ZMAT3: variants seen among roughly 807,000 people sequenced by gnomAD.
ZMAT3 encodes the protein zinc finger matrin-type 3.
In ZMAT3, 17 loss-of-function variants were observed where a neutral mutation model predicts 32.3. The ratio of observed to expected loss-of-function variants is 0.53; its 90% CI spans 0.36 to 0.79. The LOEUF (loss-of-function observed/expected upper bound fraction) is 0.79, where lower values mean the gene tolerates loss of function less well. ZMAT3 is among the 30% of genes least tolerant of loss of function. The pLI is 0.00. For synonymous variants in ZMAT3, 120 were observed against 133.1 expected (o/e 0.90, Z 0.68); for missense variants, 329 against 359.7 (o/e 0.91, Z 0.69).
chr3:179,030,909 C>T lies in ZMAT3; in HGVS notation c.361G>A (p.Ala121Thr), dbSNP rs1467252813. 6.2e-7 allele frequency: 1 copy of T among 1,613,718 alleles called. No individual in the cohort carries two copies. Among genetic ancestry groups the T allele is most frequent in the African/African-American group, 1.3e-5 (1 of 74,920 alleles). ...GGAGGGACTGGAACAACTGGAGTAG[C>T]TGCAGGCTCGACCACATTGCTCATT... ...ARMSNVVEPAATPVVPVPPQM... is the reference protein window; with the variant it reads ...ARMSNVVEPATTPVVPVPPQM... The change falls in exon 3 of 6, where the codon GCT (alanine) becomes ACT (threonine). Residue 121 changes from alanine (A) to threonine (T), a missense_variant. Physicochemically the swap from Ala to Thr is moderately conservative, Grantham distance 58 (BLOSUM62 0). Transcript: ENST00000311417.
Position 179,018,416 on chromosome 3 carries a change from A to C in ZMAT3, c.*6601T>G, listed in dbSNP as rs1251458755. On this transcript the variant is annotated 3_prime_UTR_variant, in exon 6 of 6. Transcript: ENST00000311417. ...TTAATTTGGAACTATGGCCATGAGAATATGTTTAAGTTCAAAGAACTGCCA... is the reference window on the plus strand; with the variant it reads ...TTAATTTGGAACTATGGCCATGAGACTATGTTTAAGTTCAAAGAACTGCCA... 1 of 152,118 alleles carries C rather than the reference A, an allele frequency of 6.6e-6. No individual in the cohort carries two copies. Among genetic ancestry groups the C allele is most frequent in the Non-Finnish European group, 1.5e-5 (1 of 68,004 alleles). 9.4% of individuals were successfully genotyped at this position (152,118 alleles called of 1,614,324 possible).
rs1159890063 is a variant in ZMAT3 at position 179,024,981 on chromosome 3, G to A, written c.*36C>T. ...GCAAGTTGACAAAAGGCAAACAACA[G>A]GCAGGAAAAGCTGCTCTATCTTAAT... is the stretch of plus-strand genomic sequence containing the variant. On this transcript the variant is annotated 3_prime_UTR_variant, in exon 6 of 6. Coordinates refer to ENST00000311417, the MANE Select transcript of ZMAT3 (RefSeq NM_022470.4). 1 of 1,602,888 alleles carries A rather than the reference G, an allele frequency of 6.2e-7. No homozygotes were observed. The highest frequency in any genetic ancestry group is 8.5e-7 in the Non-Finnish European group (1 of 1,170,938).
Position 179,046,602 on chromosome 3 carries a change from G to A in ZMAT3, c.271-15603C>T, listed in dbSNP as rs1720252157. ...TCTCAGCTGGGAGGCTTGTGGTCTGGGGCAAGTTCTCAGCCCTGACCACCA... is the reference window on the plus strand; with the variant it reads ...TCTCAGCTGGGAGGCTTGTGGTCTGAGGCAAGTTCTCAGCCCTGACCACCA... On this transcript the variant is annotated intron_variant, in intron 2 of 5. Coordinates refer to ENST00000311417, the MANE Select transcript of ZMAT3 (RefSeq NM_022470.4). This position sits in a 1 kb window ranked among gnomAD's most constrained non-coding sequence, Gnocchi z 4.3. Among the ~76,000 whole-genome samples the A allele has an allele frequency of 6.6e-6, 1 of 152,136 alleles. No homozygotes were observed. Among genetic ancestry groups the A allele is most frequent in the African/African-American group, 2.4e-5 (1 of 41,426 alleles).
chr3:179,047,294 T>C (rs867903807), intron 2 of ZMAT3, among the ~76,000 whole-genome samples: 14 of 152,182 alleles, frequency 9.2e-5, no homozygotes, highest in Non-Finnish European at 2.1e-4. Flanking sequence ...AGCCCCATCC[T>C]AGAGGAAAGG....
chr3:179,045,666 T>C (rs1384780955), intron 2 of ZMAT3, among the ~76,000 whole-genome samples: 1 of 152,202 alleles, frequency 6.6e-6, no homozygotes, highest in Non-Finnish European at 1.5e-5. Flanking sequence ...CAATCCAGTA[T>C]AGTGGCTACA....
chr3:179,039,002 T>C (rs1719758594), intron 2 of ZMAT3, among the ~76,000 whole-genome samples: 1 of 152,180 alleles, frequency 6.6e-6, no homozygotes, highest in South Asian at 2.1e-4. Flanking sequence ...GCAGCCTGGC[T>C]GGGGGAGGGG....
intron 2 of ZMAT3, among the ~76,000 whole-genome samples, chr3:179,056,301 G>C (rs1451373801): frequency 6.6e-6 from 1 of 151,722 alleles, no homozygotes; most frequent in Non-Finnish European, 1.5e-5. Context: ...GGAGGAGCAG[G>C]CGAAACGGGA....
At chr3:179,051,454 A>G (rs995153747) in intron 2 of ZMAT3, among the ~76,000 whole-genome samples, 1 of 152,212 alleles carries the variant, frequency 6.6e-6, no homozygotes, top group Non-Finnish European at 1.5e-5. Context: ...CAAAGAGCTG[A>G]AAGACCTCTA....
chr3:179,038,328 C>T (rs1719718339), intron 2 of ZMAT3, among the ~76,000 whole-genome samples: 1 of 152,170 alleles, frequency 6.6e-6, no homozygotes, highest in African/African-American at 2.4e-5. Flanking sequence ...TGCCTATAAT[C>T]CCAGCACTTT....
At position 179,046,901 on chromosome 3, in the gene ZMAT3, G is replaced by A. The variant is rs1348383988; in HGVS notation, c.271-15902C>T. ...GACATGCCTAACCCTGCCCCAACCC[G>A]ATGGTCTTCTCTACCCACACTGGTG... is the stretch of plus-strand genomic sequence containing the variant. On this transcript the variant is annotated intron_variant, in intron 2 of 5. Transcript: ENST00000311417. The surrounding 1 kb of genome is among the most constrained non-coding windows in gnomAD (Gnocchi z 4.3). Among the ~76,000 whole-genome samples, 2 of 152,066 alleles carry A rather than the reference G, an allele frequency of 1.3e-5. No individual in the cohort carries two copies. The highest frequency in any genetic ancestry group is 2.4e-5 in the African/African-American group (1 of 41,408).
At chr3:179,031,131 C>T (rs1719161246) in intron 2 of ZMAT3, 132 bp from the exon 3 acceptor site, 5 of 696,330 alleles carry the variant, frequency 7.2e-6, no homozygotes, top group Admixed American at 3.8e-5. Flanking sequence ...CACATAATTT[C>T]CATGACAGTA....
chr3:179,060,351 A>C (rs1277921652), intron 2 of ZMAT3, among the ~76,000 whole-genome samples: 1 of 152,188 alleles, frequency 6.6e-6, no homozygotes, highest in Non-Finnish European at 1.5e-5. Context: ...AGAAGGAAAG[A>C]CAAAAAAATC....
chr3:179,050,716 C>A (rs547260247), intron 2 of ZMAT3, among the ~76,000 whole-genome samples: 38 of 152,144 alleles, frequency 2.5e-4, no homozygotes, highest in African/African-American at 9.2e-4. Flanking sequence ...TGCAAAAATC[C>A]TCAACAAAAT....
At chr3:179,056,150 G>A (rs1720830154) in intron 2 of ZMAT3, among the ~76,000 whole-genome samples, 1 of 152,150 alleles carries the variant, frequency 6.6e-6, no homozygotes. Context: ...TCTATTGAAG[G>A]CCAACTAATC....
chr3:179,024,886 A>T lies in ZMAT3; in HGVS notation c.*131T>A. ...CCCCCAGGTTTTGACATCTCATGGT[A>T]CCACTGTGGGTTACATGTATTAACA... On this transcript the variant is annotated 3_prime_UTR_variant, in exon 6 of 6. Transcript: ENST00000311417. 1 of 734,174 alleles carries T rather than the reference A, an allele frequency of 1.4e-6. No homozygotes were observed. 45.5% of individuals were successfully genotyped at this position (734,174 alleles called of 1,614,324 possible).
rs184813471 is a variant in ZMAT3, at chr3:179,062,720, C to A, written c.270+4763G>T. 3.3e-5 allele frequency among the ~76,000 whole-genome samples: 5 copies of A among 152,268 alleles called. No homozygotes were observed. In the East Asian group the frequency reaches 7.7e-4, roughly 24 times the overall value. On this transcript the variant is annotated intron_variant, in intron 2 of 5. Transcript: ENST00000311417. Reference sequence around the variant, plus strand: ...TGAAAGCATATTTACATTTGAAAATCATTTTATTTTGCCTCATTTGTTGGT... The same window carrying A: ...TGAAAGCATATTTACATTTGAAAATAATTTTATTTTGCCTCATTTGTTGGT...
At chr3:179,034,142 G>T (rs1338181246) in intron 2 of ZMAT3, among the ~76,000 whole-genome samples, 1 of 152,196 alleles carries the variant, frequency 6.6e-6, no homozygotes, top group Non-Finnish European at 1.5e-5. Context: ...ACTCAAACCT[G>T]CAGGCAAACA....
At chr3:179,035,830 A>C (rs190125088) in intron 2 of ZMAT3, among the ~76,000 whole-genome samples, 9 of 152,362 alleles carry the variant, frequency 5.9e-5, no homozygotes, top group African/African-American at 1.7e-4. Flanking sequence ...TGAATGTATC[A>C]CGGAAGACTT....
chr3:179,036,429 A>C (rs1332600092), intron 2 of ZMAT3, among the ~76,000 whole-genome samples: 1 of 152,184 alleles, frequency 6.6e-6, no homozygotes, highest in Non-Finnish European at 1.5e-5. Flanking sequence ...GGAGCCAAAA[A>C]CTATCACCTA....
Sources: gnomAD v4.1 joint callset for allele counts (sites outside exome capture counted in the v4.1 genomes callset) on GRCh38, gnomAD v4.1.1 for gene constraint, Gnocchi (gnomAD v3.1) non-coding constraint, MANE v1.5 for transcripts, NCBI Gene and HGNC (gene_info 2026-07-23, HGNC 2026-07-21) for gene names.